The following RXRA variants were observed in gnomAD, a reference collection of about 807,000 sequenced individuals.
RXRA encodes retinoic acid receptor RXR-alpha.
Under a neutral mutation model 44.5 loss-of-function variants are expected in RXRA, and 5 were observed. That is an observed-to-expected ratio of 0.11 (90% CI 0.06 to 0.24). RXRA has a LOEUF of 0.24. Ranked by LOEUF, RXRA falls within the 10% of genes least tolerant of loss-of-function variation. RXRA has a pLI of 1.00. For synonymous variants in RXRA, 291 were observed against 271.4 expected (o/e 1.07, Z -0.71); for missense variants, 412 against 646.5 (o/e 0.64, Z 3.93).
Position 134,434,166 on chromosome 9 carries a change from G to A in RXRA, c.1200G>A (p.Leu400=). 1 of 1,613,860 alleles carries A rather than the reference G, an allele frequency of 6.2e-7. No homozygotes were observed. The highest frequency in any genetic ancestry group is 8.5e-7 in the Non-Finnish European group (1 of 1,179,906). Residue 400 remains leucine (L), a synonymous_variant, in exon 9 of 10, where the codon TTG becomes TTA. Coordinates refer to ENST00000481739, the MANE Select transcript of RXRA (RefSeq NM_002957.6). ...TGAGGGAGAAGGTCTATGCGTCCTT[G>A]GAGGCCTACTGCAAGCACAAGTACC... ...EALREKVYAS[L]EAYCKHKYPE... is the part of the protein sequence containing the mutation.
chr9:134,329,355 CGGGCGCT>C (rs1346501852), intron 1 of RXRA, among the ~76,000 whole-genome samples: 3 of 152,236 alleles, frequency 2.0e-5, no homozygotes, highest in African/African-American at 7.2e-5. Context: ...TCTTTTAGCG[CGGGCGCT>C]GCCCGACGGC....
rs1249159007 is a variant in RXRA, at chr9:134,366,304, C to T, written c.29-35328C>T. Among the ~76,000 whole-genome samples, 1 of 151,320 alleles carries T rather than the reference C, an allele frequency of 6.6e-6. No individual in the cohort carries two copies. Among genetic ancestry groups the T allele is most frequent in the Middle Eastern group, 3.4e-3 (1 of 294 alleles). On this transcript the variant is annotated intron_variant, in intron 1 of 9. Coordinates refer to ENST00000481739, the MANE Select transcript of RXRA (RefSeq NM_002957.6). The surrounding 1 kb of genome is among the most constrained non-coding windows in gnomAD (Gnocchi z 5.9). ...AGGAGTGCCACAGCCTCTCCCTCTG[C>T]CCACCCCCCCCATGCCTGCCCTGCC...
intron 1 of RXRA, among the ~76,000 whole-genome samples, chr9:134,394,784 T>C (rs532117622): frequency 1.6e-3 from 247 of 152,272 alleles, no homozygotes; most frequent in African/African-American, 5.8e-3. Context: ...CTGGGGAAAC[T>C]GGACAAGGTC....
chr9:134,397,005 C>T (rs1564284477), intron 1 of RXRA, among the ~76,000 whole-genome samples: 1 of 152,236 alleles, frequency 6.6e-6, no homozygotes, highest in Non-Finnish European at 1.5e-5. Flanking sequence ...CTGGCATTTC[C>T]TGCCACCTTC....
chr9:134,408,055 G>A (rs1588293308), intron 2 of RXRA, 94 bp from the exon 3 acceptor site: 2 of 946,242 alleles, frequency 2.1e-6, no homozygotes, highest in South Asian at 3.5e-5. Flanking sequence ...GTGAAGTTGG[G>A]GGTACAGCTG....
chr9:134,387,675 C>T (rs1028831482), intron 1 of RXRA, among the ~76,000 whole-genome samples: 1 of 152,242 alleles, frequency 6.6e-6, no homozygotes, highest in African/African-American at 2.4e-5. Context: ...CAGAGCCGTC[C>T]ATGAGCGTTC....
intron 6 of RXRA, chr9:134,425,283 G>A (rs1831413621): frequency 1.0e-6 from 1 of 985,250 alleles, no homozygotes; most frequent in Non-Finnish European, 1.2e-6. Context: ...ACCCGTCCAG[G>A]AGGCCTTCAG....
chr9:134,334,449 G>T (rs1554747051), intron 1 of RXRA, among the ~76,000 whole-genome samples: 1 of 152,270 alleles, frequency 6.6e-6, no homozygotes, highest in East Asian at 1.9e-4. Flanking sequence ...GGGCCACCAA[G>T]GTGACAGTTT....
chr9:134,417,085 G>A lies in RXRA; in HGVS notation c.611-73G>A, dbSNP rs184136465. 8.0e-6 allele frequency: 12 copies of A among 1,500,002 alleles called. No individual in the cohort carries two copies. The highest frequency in any genetic ancestry group is 8.9e-6 in the Non-Finnish European group (10 of 1,117,684). The allele number at this position is 1,500,002 out of a possible 1,614,324, so 92.9% of individuals were successfully genotyped here. A position where few individuals can be genotyped will look rare whatever the true frequency, so the allele number is the denominator to read the frequency against. On this transcript the variant is annotated intron_variant, in intron 4 of 9. Transcript: ENST00000481739. This position sits in a 1 kb window ranked among gnomAD's most constrained non-coding sequence, Gnocchi z 6.1. Reference sequence around the variant, plus strand: ...AGTTGGCTGGGAGCTGGCACCACCCGGCCAGGACAGCCTTCCCTGGGAGCC... The same window carrying A: ...AGTTGGCTGGGAGCTGGCACCACCCAGCCAGGACAGCCTTCCCTGGGAGCC...
intron 4 of RXRA, among the ~76,000 whole-genome samples, chr9:134,413,670 TC>T (rs1272356601): frequency 6.6e-6 from 1 of 152,170 alleles, no homozygotes; most frequent in Non-Finnish European, 1.5e-5. Context: ...GGGATGCCCC[TC>T]GGCTCCGACA....
chr9:134,375,425 C>T (rs1041017250), intron 1 of RXRA, among the ~76,000 whole-genome samples: 6 of 152,072 alleles, frequency 3.9e-5, no homozygotes, highest in African/African-American at 1.2e-4. Flanking sequence ...GGAGGGCAGC[C>T]GAGGGCTCCC....
intron 1 of RXRA, chr9:134,379,456 G>C: frequency 1.0e-6 from 1 of 987,236 alleles, no homozygotes; most frequent in Non-Finnish European, 1.2e-6. Flanking sequence ...GTCTGTGTCC[G>C]GGAAGTGGAG....
At chr9:134,348,377 G>A (rs1390215134) in intron 1 of RXRA, among the ~76,000 whole-genome samples, 5 of 152,196 alleles carry the variant, frequency 3.3e-5, no homozygotes, top group East Asian at 1.9e-4. Context: ...ATCGTGGTGC[G>A]ATGATCTTCA....
At chr9:134,401,468 T>C in intron 1 of RXRA, 164 bp from the exon 2 acceptor site, 2 of 1,051,794 alleles carry the variant, frequency 1.9e-6, no homozygotes, top group Admixed American at 4.3e-5. Context: ...TGGCCCGTAG[T>C]GAGTGTGAAT....
At chr9:134,395,206 G>A (rs1184810433) in intron 1 of RXRA, among the ~76,000 whole-genome samples, 2 of 152,260 alleles carry the variant, frequency 1.3e-5, no homozygotes, top group Non-Finnish European at 2.9e-5. Context: ...ACATGTCCAT[G>A]GGGCTGGCAG....
chr9:134,369,142 TTATGTGTGTGTGA>T (rs1830457088), intron 1 of RXRA, among the ~76,000 whole-genome samples: 1 of 35,670 alleles, frequency 2.8e-5, no homozygotes, highest in African/African-American at 1.3e-4. Context: ...GTGTGTGGGG[TTATGTGTGTGTGA>T]GTGCGGGGCT....
chr9:134,409,750 T>G (rs1195115449), intron 4 of RXRA, among the ~76,000 whole-genome samples: 1 of 152,232 alleles, frequency 6.6e-6, no homozygotes, highest in African/African-American at 2.4e-5. Flanking sequence ...TGGCGATTCC[T>G]GGCCTCTTAG....
intron 1 of RXRA, among the ~76,000 whole-genome samples, chr9:134,328,170 C>G (rs1312554323): frequency 6.6e-6 from 1 of 152,136 alleles, no homozygotes; most frequent in East Asian, 1.9e-4. Flanking sequence ...ACACACACAT[C>G]CACACACACA....
chr9:134,429,024 C>T, intron 6 of RXRA, 84 bp from the exon 7 acceptor site: 2 of 1,551,956 alleles, frequency 1.3e-6, no homozygotes, highest in South Asian at 2.3e-5. Flanking sequence ...CATGCTGCCT[C>T]TGTAGGGTCC....
Sources: gnomAD v4.1 joint callset for allele counts (sites outside exome capture counted in the v4.1 genomes callset) on GRCh38, gnomAD v4.1.1 for gene constraint, Gnocchi (gnomAD v3.1) non-coding constraint, MANE v1.5 for transcripts, NCBI Gene and HGNC (gene_info 2026-07-23, HGNC 2026-07-21) for gene names.